The following DDX52 variants were observed in gnomAD, a reference collection of about 807,000 sequenced individuals.
DDX52 encodes the protein probable ATP-dependent RNA helicase DDX52.
DDX52 carries 59 observed loss-of-function variants against 76.1 expected under a neutral mutation model. The observed-to-expected ratio is 0.78, with a 90% CI of 0.63 to 0.96. The LOEUF (loss-of-function observed/expected upper bound fraction) is 0.96, where lower values mean the gene tolerates loss of function less well. DDX52 is among the 40% of genes least tolerant of loss of function. The pLI is 0.00. For synonymous variants in DDX52, 231 were observed against 244.1 expected (o/e 0.95, Z 0.50); for missense variants, 707 against 703.9 (o/e 1.00, Z -0.05).
chr17:37,640,534 G>A (rs1397837459), intron 2 of DDX52, among the ~76,000 whole-genome samples: 10 of 151,802 alleles, frequency 6.6e-5, no homozygotes, highest in South Asian at 2.1e-4. Flanking sequence ...CAGTAGCTGC[G>A]TGTGGAGAAA....
At position 37,618,292 on chromosome 17, in the gene DDX52, T is replaced by C. The variant is rs745906139; in HGVS notation, c.1742A>G (p.Gln581Arg). 1 of 1,596,100 alleles carries C rather than the reference T, an allele frequency of 6.3e-7. No homozygotes were observed. The highest frequency in any genetic ancestry group is 8.5e-7 in the Non-Finnish European group (1 of 1,175,024). ...KCFLEKAKDK[Q>R]KKVTGQNSKK... Reference sequence around the variant, plus strand: ...GCCATTTTTCTTACCACATACTTACTGTTTATCCTTAGCTTTTTCTAAGAA... The same window carrying C: ...GCCATTTTTCTTACCACATACTTACCGTTTATCCTTAGCTTTTTCTAAGAA... The change falls in exon 14 of 15, where the codon CAG (glutamine) becomes CGG (arginine). Residue 581 changes from glutamine (Q) to arginine (R), a missense_variant and splice_region_variant. By Grantham distance (43) the Gln-to-Arg change is conservative (BLOSUM62 1). Coordinates refer to ENST00000617633, the MANE Select transcript of DDX52 (RefSeq NM_007010.5).
Position 37,610,236 on chromosome 17 carries a change from G to T in DDX52, c.*4060C>A, listed in dbSNP as rs542003333. On this transcript the variant is annotated 3_prime_UTR_variant, in exon 15 of 15. Coordinates refer to ENST00000617633, the MANE Select transcript of DDX52 (RefSeq NM_007010.5). ...CCTCCCTGGCTCAAGCGATCCTCTC[G>T]CCTCAGCCTCCTGAGTAGCTGGGAC... 6.7e-6 allele frequency: 1 copy of T among 148,154 alleles called. No individual in the cohort carries two copies. Among genetic ancestry groups the T allele is most frequent in the East Asian group, 2.0e-4 (1 of 5,092 alleles). 9.2% of individuals were successfully genotyped at this position (148,154 alleles called of 1,614,324 possible).
Position 37,625,434 on chromosome 17 carries a change from A to G in DDX52, c.1136+461T>C, listed in dbSNP as rs1433022605. ...CTTCCTACATCATTTCAGGGGTTAC[A>G]TAATAATCCATCAGGTAGCAGTATC... On this transcript the variant is annotated intron_variant, in intron 8 of 14. Transcript: ENST00000617633. 5.9e-5 allele frequency among the ~76,000 whole-genome samples: 9 copies of G among 152,230 alleles called. No individual in the cohort carries two copies. In the East Asian group the frequency reaches 1.5e-3, roughly 26 times the overall value.
chr17:37,628,259 C>T (rs946181612), intron 6 of DDX52, among the ~76,000 whole-genome samples: 2 of 152,142 alleles, frequency 1.3e-5, no homozygotes, highest in African/African-American at 4.8e-5. Context: ...TGGCTATAGG[C>T]TAGTAACTAC....
chr17:37,642,253 A>T lies in DDX52; in HGVS notation c.143T>A (p.Phe48Tyr), dbSNP rs769833902. The change falls in exon 2 of 15, where the codon TTT becomes TAT. Residue 48 changes from phenylalanine (F) to tyrosine (Y), a missense_variant. Coordinates refer to ENST00000617633, the MANE Select transcript of DDX52 (RefSeq NM_007010.5). ...DSSEVLQGLD[F>Y]FGNKKSVPGV... The stretch of plus-strand genomic sequence containing the variant: ...TGGGACAGACTTCTTGTTTCCAAAA[A>T]AGTCCAGTCCCTGAAGCACCTCCGA... 1 of 1,614,118 alleles carries T rather than the reference A, an allele frequency of 6.2e-7. No individual in the cohort carries two copies. The highest frequency in any genetic ancestry group is 1.1e-5 in the South Asian group (1 of 91,078).
rs1439249885 is a variant in DDX52 at position 37,619,787 on chromosome 17, C to G, written c.1630G>C (p.Gly544Arg). The G allele has an allele frequency of 6.2e-7, 1 of 1,613,646 alleles. No homozygotes were observed. Among genetic ancestry groups the G allele is most frequent in the Non-Finnish European group, 8.5e-7 (1 of 1,179,860 alleles). The part of the protein sequence containing the change: ...AGCPVPEYIK[G>R]FQKLLSKQKK... ...TTGTACCTTAGTAGTTTCTGAAAAC[C>G]TTTTATGTATTCTGGTACAGGACAC... is the stretch of plus-strand genomic sequence containing the variant. The change falls in exon 13 of 15, where the codon GGT becomes CGT. Residue 544 changes from glycine (G) to arginine (R), a missense_variant. By Grantham distance (125) the Gly-to-Arg change is moderately radical. Transcript: ENST00000617633.
At chr17:37,617,384 A>C (rs1398573317) in intron 14 of DDX52, among the ~76,000 whole-genome samples, 2 of 152,252 alleles carry the variant, frequency 1.3e-5, no homozygotes, top group African/African-American at 4.8e-5. Flanking sequence ...GTAGAATGTG[A>C]AGAGTGCCAT....
chr17:37,628,462 C>T, intron 6 of DDX52, 99 bp downstream of exon 6: 2 of 1,003,922 alleles, frequency 2.0e-6, no homozygotes, highest in Non-Finnish European at 3.0e-6. Flanking sequence ...TTTATACATA[C>T]ATGACTATAC....
rs895255256 is a variant in DDX52, at chr17:37,610,884, C to T, written c.*3412G>A. On this transcript the variant is annotated 3_prime_UTR_variant, in exon 15 of 15. Coordinates refer to ENST00000617633, the MANE Select transcript of DDX52 (RefSeq NM_007010.5). ...CACTCCTTCCCTTCCTTGTGTGAAG[C>T]TGAAATTTATGTAGCACATAGTTCC... The T allele has an allele frequency of 6.6e-6, 1 of 152,236 alleles. No individual in the cohort carries two copies. Among genetic ancestry groups the T allele is most frequent in the African/African-American group, 2.4e-5 (1 of 41,448 alleles). The allele number at this position is 152,236 out of a possible 1,614,324, so 9.4% of individuals were successfully genotyped here.
intron 2 of DDX52, among the ~76,000 whole-genome samples, chr17:37,634,327 T>C (rs1019484058): frequency 9.2e-5 from 14 of 151,528 alleles, no homozygotes; most frequent in Non-Finnish European, 4.4e-5. Flanking sequence ...TAATGAAAGA[T>C]CTCACTTAAA....
Position 37,615,984 on chromosome 17 carries a change from C to T in DDX52, c.1743-1631G>A, listed in dbSNP as rs139132670. Among the ~76,000 whole-genome samples the T allele has an allele frequency of 2.9e-3, 438 of 152,018 alleles. 2 individuals carry two copies. Among genetic ancestry groups the T allele is most frequent in the African/African-American group, 9.8e-3 (405 of 41,496 alleles). ...AGCCGAGATCGTGCCACTGCACTCC[C>T]GCCTAGCAACAGAGATTCCATCTCA... On this transcript the variant is annotated intron_variant, in intron 14 of 14. Coordinates refer to ENST00000617633, the MANE Select transcript of DDX52 (RefSeq NM_007010.5).
rs1447723699 is a variant in DDX52, at chr17:37,611,337, CA to C, written c.*2958del. On this transcript the variant is annotated 3_prime_UTR_variant, in exon 15 of 15. Transcript: ENST00000617633. ...TGTGTGTTTGTGCCATGGTTTTTAA[CA>C]AAAAAGTTTTAGAAGTAAATAGTAA... is the stretch of plus-strand genomic sequence containing the variant. 1 of 151,532 alleles carries C rather than the reference CA, an allele frequency of 6.6e-6. No homozygotes were observed. The highest frequency in any genetic ancestry group is 1.5e-5 in the Non-Finnish European group (1 of 67,900). The allele number at this position is 151,532 out of a possible 1,614,324, so 9.4% of individuals were successfully genotyped here.
At chr17:37,623,697 C>T (rs903610274) in intron 9 of DDX52, among the ~76,000 whole-genome samples, 1 of 152,150 alleles carries the variant, frequency 6.6e-6, no homozygotes, top group Non-Finnish European at 1.5e-5. Flanking sequence ...AAGGCTCAAC[C>T]AATTTGGCTC....
chr17:37,642,309 C>G lies in DDX52; in HGVS notation c.88-1G>C. ...CAAAGTCATATTTCCTTTTTCCTAT[C>G]TAAAACCCAAAAAATGTAAAATGAA... On this transcript the variant is annotated splice_acceptor_variant, in intron 1 of 14. Transcript: ENST00000617633. LOFTEE classifies it high-confidence loss of function. 6.2e-7 allele frequency: 1 copy of G among 1,611,330 alleles called. No individual in the cohort carries two copies. The highest frequency in any genetic ancestry group is 8.5e-7 in the Non-Finnish European group (1 of 1,178,764).
At chr17:37,618,853 C>T (rs1026084275) in intron 13 of DDX52, among the ~76,000 whole-genome samples, 1 of 152,098 alleles carries the variant, frequency 6.6e-6, no homozygotes, top group Middle Eastern at 3.2e-3. Context: ...TAAACGAGAT[C>T]GCCTAATAGG....
intron 5 of DDX52, among the ~76,000 whole-genome samples, 153 bp downstream of exon 5, chr17:37,629,877 G>A (rs1352476112): frequency 1.3e-5 from 2 of 152,154 alleles, no homozygotes; most frequent in Admixed American, 6.5e-5. Flanking sequence ...TGCCCACATG[G>A]AGTAAGATCC....
chr17:37,632,203 T>G lies in DDX52; in HGVS notation c.513A>C (p.Lys171Asn). The G allele has an allele frequency of 6.2e-7, 1 of 1,613,856 alleles. No individual in the cohort carries two copies. The highest frequency in any genetic ancestry group is 1.7e-5 in the Admixed American group (1 of 59,944). ...TGTTCTGAAGTAGTCGAGAATTGAT[T>G]TTATATTCCTGGTCAAGTTGCTGAA... is the stretch of plus-strand genomic sequence containing the variant. ...ATFQQLDQEY[K>N]INSRLLQNIL... The change falls in exon 4 of 15, where the codon AAA becomes AAC. Residue 171 changes from lysine (K) to asparagine (N), a missense_variant. Physicochemically the swap from Lys to Asn is moderately conservative, Grantham distance 94. Coordinates refer to ENST00000617633, the MANE Select transcript of DDX52 (RefSeq NM_007010.5).
intron 2 of DDX52, among the ~76,000 whole-genome samples, chr17:37,636,964 C>G (rs1355442572): frequency 6.6e-6 from 1 of 152,050 alleles, no homozygotes; most frequent in Non-Finnish European, 1.5e-5. Flanking sequence ...TTGGCTTACA[C>G]CACATATATA....
chr17:37,610,827 TTC>T lies in DDX52; in HGVS notation c.*3467_*3468del, dbSNP rs1261797495. ...GCCAGCTATTCAATTTTTATGTTTT[TTC>T]TTTTGCTGTAACTGCCTGTTCACTA... On this transcript the variant is annotated 3_prime_UTR_variant, in exon 15 of 15. Coordinates refer to ENST00000617633, the MANE Select transcript of DDX52 (RefSeq NM_007010.5). The T allele has an allele frequency of 6.6e-6, 1 of 152,246 alleles. No homozygotes were observed. Among genetic ancestry groups the T allele is most frequent in the Non-Finnish European group, 1.5e-5 (1 of 68,046 alleles). The allele number at this position is 152,246 out of a possible 1,614,324, so 9.4% of individuals were successfully genotyped here.
Sources: gnomAD v4.1 joint callset for allele counts (sites outside exome capture counted in the v4.1 genomes callset) on GRCh38, gnomAD v4.1.1 for gene constraint, MANE v1.5 for transcripts, NCBI Gene and HGNC (gene_info 2026-07-23, HGNC 2026-07-21) for gene names.